Variants in ANK2 observed in about 807,000 individuals in gnomAD.
ANK2 encodes ankyrin 2.
ANK2 carries 83 observed loss-of-function variants against 360.5 expected under a neutral mutation model. The observed-to-expected ratio is 0.23, with a 90% CI of 0.19 to 0.28. ANK2 has a LOEUF of 0.28. Ranked by LOEUF, ANK2 falls within the 10% of genes least tolerant of loss-of-function variation. ANK2 has a pLI of 1.00. For missense variants in ANK2, 4,201 were observed against 4,795.7 expected (o/e 0.88, Z 3.66); for synonymous variants, 1,740 against 1,759.5 (o/e 0.99, Z 0.28).
At chr4:112,978,221 G>A (rs1348720417) in intron 2 of ANK2, among the ~76,000 whole-genome samples, 5 of 151,830 alleles carry the variant, frequency 3.3e-5, no homozygotes, top group African/African-American at 1.2e-4. Flanking sequence ...TGCAGCCTGG[G>A]TGACAGAGCA....
intron 1 of ANK2, among the ~76,000 whole-genome samples, chr4:112,866,833 C>T (rs1426352694): frequency 6.6e-6 from 1 of 152,006 alleles, no homozygotes; most frequent in East Asian, 1.9e-4. Flanking sequence ...TCCGCATTGT[C>T]TACTGATAAT....
intron 1 of ANK2, among the ~76,000 whole-genome samples, chr4:113,069,475 C>CA: frequency 6.6e-6 from 1 of 152,308 alleles, no homozygotes; most frequent in East Asian, 1.9e-4. Flanking sequence ...CTAATCCAAT[C>CA]AACGAAGATC....
intron 8 of ANK2, 99 bp from the exon 9 acceptor site, chr4:113,242,012 C>T: frequency 1.1e-6 from 1 of 914,976 alleles, no homozygotes; most frequent in Non-Finnish European, 1.8e-6. Flanking sequence ...ATCAAATTAC[C>T]ACGTAGGTCA....
At chr4:112,988,402 T>A (rs2045660025) in intron 2 of ANK2, among the ~76,000 whole-genome samples, 1 of 152,202 alleles carries the variant, frequency 6.6e-6, no homozygotes, top group Non-Finnish European at 1.5e-5. Flanking sequence ...GGAATTGTCA[T>A]GGTTACTATA....
chr4:113,335,696 GC>G, intron 29 of ANK2, 149 bp from the exon 30 acceptor site: 1 of 815,440 alleles, frequency 1.2e-6, no homozygotes, highest in Non-Finnish European at 2.0e-6. Context: ...TGTTAGGATA[GC>G]CTTGCTTTTT....
At chr4:112,810,200 C>T in the ANK2 span, among the ~76,000 whole-genome samples, 1 of 127,724 alleles carries the variant, frequency 7.8e-6, no homozygotes, top group African/African-American at 2.9e-5. Context: ...TGGGGTTTCA[C>T]CATGTTGGCC....
chr4:113,332,595 C>G (rs781446584), intron 28 of ANK2, among the ~76,000 whole-genome samples: 11 of 152,196 alleles, frequency 7.2e-5, no homozygotes, highest in Non-Finnish European at 1.6e-4. Context: ...GTGCATGGCT[C>G]TTTAGTTCAC....
At chr4:112,872,639 T>C (rs2073615024) in intron 1 of ANK2, among the ~76,000 whole-genome samples, 1 of 152,158 alleles carries the variant, frequency 6.6e-6, no homozygotes, top group Admixed American at 6.5e-5. Flanking sequence ...ACCTGGTGCA[T>C]CTGTATTCTT....
rs1717042447 is a variant in ANK2 at position 113,357,764 on chromosome 4, G to A, written c.9146G>A (p.Arg3049Gln). 11 of 1,614,008 alleles carry A rather than the reference G, an allele frequency of 6.8e-6. No homozygotes were observed. Among genetic ancestry groups the A allele is most frequent in the South Asian group, 2.2e-5 (2 of 91,072 alleles). The change falls in exon 38 of 46, where the codon CGG becomes CAG. Residue 3049 changes from arginine (R) to glutamine (Q), a missense_variant. Arg to Gln is a conservative substitution (Grantham distance 43). This residue lies in a region of ANK2 where 2,642 missense variants were observed against 2,714.5 expected (regional missense o/e 0.97). Transcript: ENST00000357077. Reference protein sequence around the residue: ...DVDSDSWSEIREDDEAFEARV... With the variant: ...DVDSDSWSEIQEDDEAFEARV... ...GATTCTGATTCTTGGAGTGAAATTC[G>A]GGAAGACGATGAAGCCTTTGAGGCT...
intron 1 of ANK2, among the ~76,000 whole-genome samples, chr4:112,885,519 G>A (rs533349578): frequency 3.0e-4 from 45 of 147,546 alleles, no homozygotes; most frequent in African/African-American, 1.1e-3. Flanking sequence ...AAAATTAGCC[G>A]GGCATGGTGG....
intron 34 of ANK2, among the ~76,000 whole-genome samples, chr4:113,344,667 G>A (rs2094634761): frequency 6.6e-6 from 1 of 152,074 alleles, no homozygotes; most frequent in Non-Finnish European, 1.5e-5. Context: ...ACAAAATGCG[G>A]TATACACATG....
At chr4:113,207,459 A>T (rs2098965263) in intron 4 of ANK2, among the ~76,000 whole-genome samples, 1 of 152,198 alleles carries the variant, frequency 6.6e-6, no homozygotes, top group Non-Finnish European at 1.5e-5. Flanking sequence ...AGTTCTGTTA[A>T]TAGAAATAGA....
At chr4:112,881,809 C>T in intron 1 of ANK2, 2 of 925,160 alleles carry the variant, frequency 2.2e-6, no homozygotes, top group Non-Finnish European at 3.5e-6. Context: ...TCAGTGTCTT[C>T]TTTAATGCCA....
rs771441107 is a variant in ANK2 at position 113,354,217 on chromosome 4, T to G, written c.5599T>G (p.Ser1867Ala). The change falls in exon 38 of 46, where the codon TCA becomes GCA. Residue 1867 changes from serine (S) to alanine (A), a missense_variant. Ser to Ala is a moderately conservative substitution (Grantham distance 99). Coordinates refer to ENST00000357077, the MANE Select transcript of ANK2 (RefSeq NM_001148.6). ...VSPSAKTERH[S>A]PASSSSKTEK... ...ACCCTCTGCAAAAACGGAAAGACAT[T>G]CACCTGCGTCATCATCGAGTAAAAC... The G allele has an allele frequency of 1.9e-6, 3 of 1,613,476 alleles. No individual in the cohort carries two copies. Among genetic ancestry groups the G allele is most frequent in the Non-Finnish European group, 2.5e-6 (3 of 1,179,850 alleles).
intron 3 of ANK2, among the ~76,000 whole-genome samples, chr4:113,197,911 G>C (rs143004061): frequency 6.6e-6 from 1 of 152,252 alleles, no homozygotes; most frequent in African/African-American, 2.4e-5. Context: ...GCTCACATCT[G>C]TAATCCCAGC....
At chr4:112,832,109 T>A (rs1437843336) in intron 1 of ANK2, among the ~76,000 whole-genome samples, 1 of 152,236 alleles carries the variant, frequency 6.6e-6, no homozygotes, top group African/African-American at 2.4e-5. Flanking sequence ...TGGAGCGCAG[T>A]GCTACAATCT....
chr4:112,920,224 T>C (rs1394924773), intron 2 of ANK2, among the ~76,000 whole-genome samples: 1 of 152,184 alleles, frequency 6.6e-6, no homozygotes, highest in African/African-American at 2.4e-5. Flanking sequence ...AGACACAAAG[T>C]CAATCTGCAT....
intron 2 of ANK2, among the ~76,000 whole-genome samples, chr4:112,954,694 A>G (rs2095248771): frequency 6.6e-6 from 1 of 152,198 alleles, no homozygotes; most frequent in South Asian, 2.1e-4. Context: ...ATATTCTTTG[A>G]CAAGGTCTTT....
chr4:113,186,789 TG>T (rs2098538208), intron 2 of ANK2, among the ~76,000 whole-genome samples: 1 of 152,160 alleles, frequency 6.6e-6, no homozygotes, highest in African/African-American at 2.4e-5. Context: ...AAGGAATTTG[TG>T]TAGAAGAGAA....
Sources: gnomAD v4.1 joint callset for allele counts (sites outside exome capture counted in the v4.1 genomes callset) on GRCh38, gnomAD v4.1.1 for gene constraint, gnomAD v4.1.1 regional missense constraint, MANE v1.5 for transcripts, NCBI Gene and HGNC (gene_info 2026-07-23, HGNC 2026-07-21) for gene names.